FRY: variants seen among roughly 807,000 people sequenced by gnomAD.
FRY encodes protein furry homolog.
Under a neutral mutation model 348.4 loss-of-function variants are expected in FRY, and 128 were observed. The ratio of observed to expected loss-of-function variants is 0.37; its 90% confidence interval spans 0.32 to 0.43. FRY has a LOEUF of 0.43. FRY is among the 20% of genes least tolerant of loss of function. FRY has a pLI of 1.00. For missense variants in FRY, 2,736 were observed against 3,695.2 expected, an observed-to-expected ratio of 0.74 and a Z score of 6.73; for synonymous variants, 1,370 against 1,374.7, an observed-to-expected ratio of 1.00 and a Z score of 0.08.
chr13:32,237,658 C>T lies in FRY; in HGVS notation c.6090C>T (p.Asp2030=). Reference sequence around the variant, plus strand: ...CCTCCTTGAAGGACAGTCTCACGGACCCATCCCACATAAACCATCCCACCA... The same window carrying T: ...CCTCCTTGAAGGACAGTCTCACGGATCCATCCCACATAAACCATCCCACCA... ...SSSSLKDSLT[D]PSHINHPTNL... The change falls in exon 44 of 61, where the codon GAC becomes GAT. Residue 2030 remains aspartate, a synonymous_variant. Coordinates refer to ENST00000542859, the MANE Select transcript of FRY (RefSeq NM_023037.3). This position sits in a 1 kb window ranked among gnomAD's most constrained non-coding sequence, Gnocchi z 6.3. 1.2e-6 allele frequency: 2 copies of T among 1,614,144 alleles called. No individual in the cohort carries two copies. The highest frequency in any genetic ancestry group is 8.5e-7 in the Non-Finnish European group (1 of 1,179,996).
At chr13:32,094,675 C>T (rs61946693) in intron 2 of FRY, among the ~76,000 whole-genome samples, 2 of 152,028 alleles carry the variant, frequency 1.3e-5, no homozygotes, top group South Asian at 4.1e-4. Context: ...CATGTTGTTG[C>T]AAATGACAGG....
At chr13:32,124,730 A>T in intron 6 of FRY, 49 bp downstream of exon 6, 1 of 1,516,064 alleles carries the variant, frequency 6.6e-7, no homozygotes, top group Non-Finnish European at 9.2e-7. Context: ...TTTAAAACTA[A>T]ATCAGTGGTT....
rs373291092 is a variant in FRY at position 32,155,646 on chromosome 13, G to C, written c.1635G>C (p.Glu545Asp). The change falls in exon 15 of 61, where the codon GAG becomes GAC. Residue 545 changes from glutamate (E) to aspartate (D), a missense_variant. Glu to Asp is a conservative substitution (Grantham distance 45, BLOSUM62 2). Coordinates refer to ENST00000542859, the MANE Select transcript of FRY (RefSeq NM_023037.3). ...ATTTGAGTAAAACACTAACTGAAGA[G>C]GAAGCCAAAATGATAGGTGAGTTTC... ...KTYLSKTLTE[E>D]EAKMIGMSLY... is the part of the protein sequence containing the mutation. The C allele has an allele frequency of 5.6e-6, 9 of 1,612,556 alleles. No homozygotes were observed. Among genetic ancestry groups the C allele is most frequent in the Non-Finnish European group, 6.8e-6 (8 of 1,179,288 alleles).
intron 58 of FRY, among the ~76,000 whole-genome samples, chr13:32,284,420 A>T (rs1888952832): frequency 6.6e-6 from 1 of 152,270 alleles, no homozygotes; most frequent in African/African-American, 2.4e-5. Context: ...TCTATTAAAC[A>T]TCATCCTTCA....
At chr13:32,231,396 C>A in intron 41 of FRY, 96 bp downstream of exon 41, 2 of 1,190,142 alleles carry the variant, frequency 1.7e-6, no homozygotes, top group Non-Finnish European at 2.5e-6. Context: ...AACGGTCCTG[C>A]ACTCCACATC....
chr13:32,242,870 G>A (rs1276904672), intron 46 of FRY, among the ~76,000 whole-genome samples: 1 of 152,136 alleles, frequency 6.6e-6, no homozygotes, highest in Non-Finnish European at 1.5e-5. Context: ...TAAATATTGT[G>A]TAATTTCAAC....
At chr13:32,032,987 A>C (rs1393275654) in intron 1 of FRY, among the ~76,000 whole-genome samples, 2 of 152,182 alleles carry the variant, frequency 1.3e-5, no homozygotes, top group African/African-American at 2.4e-5. Context: ...TGCTTTGAGG[A>C]AAAGAGCTAA....
At chr13:32,219,202 C>T (rs1885176022) in intron 36 of FRY, among the ~76,000 whole-genome samples, 1 of 150,142 alleles carries the variant, frequency 6.7e-6, no homozygotes, top group Non-Finnish European at 1.5e-5. Context: ...CATGTTCCTG[C>T]CTCAGCCTCG....
intron 12 of FRY, 111 bp from the exon 13 acceptor site, chr13:32,147,728 T>C: frequency 1.3e-6 from 1 of 772,816 alleles, no homozygotes; most frequent in Non-Finnish European, 2.4e-6. Flanking sequence ...TTGTTTTCTT[T>C]TTCTGAATTC....
intron 31 of FRY, among the ~76,000 whole-genome samples, chr13:32,203,452 G>C (rs768485490): frequency 6.6e-6 from 1 of 152,154 alleles, no homozygotes; most frequent in African/African-American, 2.4e-5. Flanking sequence ...CAGGCCGGGC[G>C]TGGTGGCTCA....
At chr13:32,227,260 A>G (rs1210377933) in intron 39 of FRY, among the ~76,000 whole-genome samples, 1 of 152,224 alleles carries the variant, frequency 6.6e-6, no homozygotes, top group Admixed American at 6.5e-5. Flanking sequence ...ATATTTATTA[A>G]GCACCTAGTT....
chr13:32,115,379 G>A (rs1300329695), intron 3 of FRY, among the ~76,000 whole-genome samples: 1 of 152,112 alleles, frequency 6.6e-6, no homozygotes, highest in Non-Finnish European at 1.5e-5. Context: ...TGGAATCACT[G>A]CCATCACCTC....
chr13:32,238,434 T>TTTTTG (rs144806726), intron 44 of FRY, among the ~76,000 whole-genome samples: 27 of 150,690 alleles, frequency 1.8e-4, no homozygotes, highest in Middle Eastern at 3.4e-3. Flanking sequence ...CATTTATGTC[T>TTTTTG]TTTTGTTTTG....
chr13:32,134,803 C>G (rs1468736688), intron 8 of FRY, 101 bp from the exon 9 acceptor site: 6 of 798,484 alleles, frequency 7.5e-6, no homozygotes, highest in Non-Finnish European at 1.4e-5. Flanking sequence ...TCTGTTGATA[C>G]ATGATTGAAT....
chr13:32,266,108 A>G (rs1296051783), intron 54 of FRY, among the ~76,000 whole-genome samples: 1 of 152,250 alleles, frequency 6.6e-6, no homozygotes, highest in Non-Finnish European at 1.5e-5. Context: ...CAGAGGTTAG[A>G]TTAATCCAGC....
chr13:32,171,719 T>G (rs2138213643), intron 18 of FRY, among the ~76,000 whole-genome samples: 1 of 152,342 alleles, frequency 6.6e-6, no homozygotes, highest in South Asian at 2.1e-4. Context: ...GGGCCTTAGT[T>G]CTTCCACTGG....
chr13:32,156,531 A>T (rs1322659030), intron 15 of FRY, among the ~76,000 whole-genome samples: 2 of 150,312 alleles, frequency 1.3e-5, no homozygotes, highest in African/African-American at 4.9e-5. Flanking sequence ...AACCCAGGAG[A>T]CGGAGGTTGC....
chr13:32,179,902 G>A (rs143276364), intron 23 of FRY, 103 bp downstream of exon 23: 4 of 1,150,098 alleles, frequency 3.5e-6, no homozygotes, highest in African/African-American at 1.5e-5. Context: ...TGTGCCCAGA[G>A]AGTTTATAGG....
chr13:32,041,382 G>A (rs998516761), intron 1 of FRY, among the ~76,000 whole-genome samples: 8 of 142,262 alleles, frequency 5.6e-5, no homozygotes, highest in East Asian at 4.2e-4. Flanking sequence ...AAACCTCTGC[G>A]TCCTGGGTTC....
Sources: allele counts gnomAD v4.1 joint callset (sites outside exome capture counted in the v4.1 genomes callset), GRCh38; gene constraint gnomAD v4.1.1; non-coding constraint Gnocchi (gnomAD v3.1); transcripts MANE v1.5; gene names NCBI Gene and HGNC (gene_info 2026-07-23, HGNC 2026-07-21).